The following GALNT13 variants were observed in gnomAD, a reference collection of about 807,000 sequenced individuals.
The protein encoded by GALNT13 is UDP-GalNAc:polypeptide N-acetylgalactosaminyltransferase 13.
GALNT13 carries 28 observed loss-of-function variants against 64.2 expected under a neutral mutation model. The ratio of observed to expected loss-of-function variants is 0.44; its 90% CI spans 0.32 to 0.60. The LOEUF (loss-of-function observed/expected upper bound fraction) is 0.60, where lower values mean the gene tolerates loss of function less well. GALNT13 is among the 20% of genes least tolerant of loss of function. GALNT13 has a pLI of 0.05. For synonymous variants in GALNT13, 214 were observed against 224.6 expected (o/e 0.95, Z 0.42); for missense variants, 577 against 669.8 (o/e 0.86, Z 1.53).
At chr2:154,217,399 A>T (rs1054857255) in intron 4 of GALNT13, among the ~76,000 whole-genome samples, 2 of 152,124 alleles carry the variant, frequency 1.3e-5, no homozygotes, top group Non-Finnish European at 2.9e-5. Flanking sequence ...TTGAAGGGAA[A>T]ATAAAATTGT....
chr2:153,684,985 C>CTT, the GALNT13 span, among the ~76,000 whole-genome samples: 21 of 148,784 alleles, frequency 1.4e-4, no homozygotes, highest in African/African-American at 2.7e-4. Flanking sequence ...GATATGAGCT[C>CTT]TTTTTTTTTT....
intron 9 of GALNT13, among the ~76,000 whole-genome samples, chr2:154,319,256 TA>T (rs1694491549): frequency 6.6e-6 from 1 of 152,202 alleles, no homozygotes; most frequent in African/African-American, 2.4e-5. Context: ...GTTTCACATT[TA>T]AAAGCATAGG....
chr2:153,857,664 A>G, the GALNT13 span, among the ~76,000 whole-genome samples: 1 of 152,298 alleles, frequency 6.6e-6, no homozygotes, highest in Admixed American at 6.5e-5. Context: ...TTCCACATAT[A>G]TATTTTTTAA....
chr2:153,255,794 C>T, the GALNT13 span, among the ~76,000 whole-genome samples: 16 of 152,204 alleles, frequency 1.1e-4, no homozygotes, highest in East Asian at 2.5e-3. Context: ...GAATATTGGC[C>T]CCCACTCTCT....
the GALNT13 span, among the ~76,000 whole-genome samples, chr2:153,549,417 C>T: frequency 2.6e-5 from 4 of 152,100 alleles, no homozygotes; most frequent in Non-Finnish European, 5.9e-5. Context: ...ATTTGTGATT[C>T]CTCACCTCAA....
chr2:153,096,005 C>T, the GALNT13 span, among the ~76,000 whole-genome samples: 1 of 151,816 alleles, frequency 6.6e-6, no homozygotes, highest in Non-Finnish European at 1.5e-5. Flanking sequence ...ATGTTGTGCA[C>T]ATGTACCCTA....
chr2:154,014,220 C>T (rs1296537787), intron 3 of GALNT13, among the ~76,000 whole-genome samples: 1 of 152,180 alleles, frequency 6.6e-6, no homozygotes, highest in Non-Finnish European at 1.5e-5. Flanking sequence ...ACCTTCTGAG[C>T]TATGCCCAGG....
the GALNT13 span, among the ~76,000 whole-genome samples, chr2:153,498,620 C>A: frequency 6.6e-6 from 1 of 152,182 alleles, no homozygotes; most frequent in Non-Finnish European, 1.5e-5. Context: ...CACATCTGGA[C>A]AAGGGGAATG....
At chr2:154,375,796 A>G (rs1697958510) in intron 9 of GALNT13, among the ~76,000 whole-genome samples, 1 of 152,188 alleles carries the variant, frequency 6.6e-6, no homozygotes, top group Non-Finnish European at 1.5e-5. Context: ...ATCCGACTGC[A>G]TGTATGCTTT....
the GALNT13 span, among the ~76,000 whole-genome samples, chr2:153,127,471 C>T: frequency 2.1e-3 from 315 of 152,268 alleles, 2 homozygotes; most frequent in African/African-American, 6.9e-3. Flanking sequence ...TCTTCCCCTC[C>T]GCACTTCTCC....
the GALNT13 span, among the ~76,000 whole-genome samples, chr2:153,721,021 A>C: frequency 6.6e-6 from 1 of 152,048 alleles, no homozygotes; most frequent in Non-Finnish European, 1.5e-5. Context: ...AGATTCACCA[A>C]AGTTGAAATG....
intron 4 of GALNT13, among the ~76,000 whole-genome samples, chr2:154,228,861 A>G (rs2105841005): frequency 6.6e-6 from 1 of 152,210 alleles, no homozygotes; most frequent in Non-Finnish European, 1.5e-5. Flanking sequence ...TGAGGAAGGA[A>G]TTTAGATAAA....
At chr2:153,725,404 T>A in the GALNT13 span, among the ~76,000 whole-genome samples, 1 of 150,772 alleles carries the variant, frequency 6.6e-6, no homozygotes, top group East Asian at 2.0e-4. Context: ...CATGTATACA[T>A]ATGTAACTAA....
chr2:154,261,836 TATA>T (rs1690715713), intron 8 of GALNT13, among the ~76,000 whole-genome samples: 1 of 152,236 alleles, frequency 6.6e-6, no homozygotes, highest in East Asian at 1.9e-4. Context: ...AAAAGGTGAT[TATA>T]ATAATAGTGA....
At chr2:153,175,231 T>C in the GALNT13 span, among the ~76,000 whole-genome samples, 1 of 152,224 alleles carries the variant, frequency 6.6e-6, no homozygotes, top group Non-Finnish European at 1.5e-5. Flanking sequence ...GAGAAAGTTA[T>C]ACTCTTGGTC....
chr2:154,011,224 G>GCGATTAGTGCTGTAAA (rs147554714), intron 3 of GALNT13, among the ~76,000 whole-genome samples: 116,416 of 151,894 alleles, frequency 0.77, 45,009 homozygotes, highest in East Asian at 0.96. Flanking sequence ...TTGTGATGTA[G>GCGATTAGTGCTGTAAA]CTTTCTTCTT....
rs1370447946 is a variant in GALNT13 at position 154,151,831 on chromosome 2, T to C, written c.311+11326T>C. The stretch of plus-strand genomic sequence containing the variant: ...TTTTGAGCCTATGTGTGTGTCTGCA[T>C]GTGAGATGGGTTTCCTGAATACAGC... On this transcript the variant is annotated intron_variant, in intron 4 of 12. Transcript: ENST00000392825. Among the ~76,000 whole-genome samples the C allele has an allele frequency of 8.5e-5, 13 of 152,264 alleles. No homozygotes were observed. The East Asian group carries it at 9.7e-4, about 11-fold the overall frequency.
At chr2:153,480,980 C>T in the GALNT13 span, among the ~76,000 whole-genome samples, 2 of 152,160 alleles carry the variant, frequency 1.3e-5, no homozygotes, top group African/African-American at 2.4e-5. Flanking sequence ...CTGTTTTCGT[C>T]AGGTCAGTGT....
intron 4 of GALNT13, among the ~76,000 whole-genome samples, chr2:154,221,400 C>G (rs941542738): frequency 2.0e-5 from 3 of 152,034 alleles, no homozygotes; most frequent in Non-Finnish European, 2.9e-5. Context: ...TGAATAACTC[C>G]TTGACTTAGT....
Sources: allele counts gnomAD v4.1 joint callset (sites outside exome capture counted in the v4.1 genomes callset), GRCh38; gene constraint gnomAD v4.1.1; transcripts MANE v1.5; gene names NCBI Gene and HGNC (gene_info 2026-07-23, HGNC 2026-07-21).